Variants in UBE2U observed in about 807,000 individuals in gnomAD.
UBE2U encodes ubiquitin-conjugating enzyme E2 U.
A neutral mutation model predicts 41.2 loss-of-function variants in UBE2U; 39 were observed. The observed-to-expected ratio is 0.95, with a 90% confidence interval of 0.73 to 1.24. UBE2U has a LOEUF of 1.24. UBE2U is among the 50% of genes most tolerant of loss of function. The pLI, the probability that UBE2U is intolerant of heterozygous loss-of-function variation, is 0.00. For missense variants in UBE2U, 336 were observed against 363.1 expected (o/e 0.93, Z 0.61); for synonymous variants, 107 against 117.8 (o/e 0.91, Z 0.60).
At chr1:64,246,153 AAG>A (rs1644917192) in intron 8 of UBE2U, among the ~76,000 whole-genome samples, 1 of 152,166 alleles carries the variant, frequency 6.6e-6, no homozygotes. Flanking sequence ...TATGTAAAAA[AAG>A]AACATCTGTG....
chr1:64,254,997 A>G (rs1182033981), intron 8 of UBE2U, among the ~76,000 whole-genome samples: 1 of 152,148 alleles, frequency 6.6e-6, no homozygotes, highest in Non-Finnish European at 1.5e-5. Context: ...TGTTTTTGAA[A>G]AAAAATTAAT....
chr1:64,256,838 A>G (rs1433576734), intron 8 of UBE2U, among the ~76,000 whole-genome samples: 4 of 152,170 alleles, frequency 2.6e-5, no homozygotes, highest in Middle Eastern at 6.8e-3. Context: ...ACCTAAAGAA[A>G]GGGAGAAAAA....
chr1:64,213,409 T>A (rs1406394554), intron 4 of UBE2U, among the ~76,000 whole-genome samples: 1 of 152,196 alleles, frequency 6.6e-6, no homozygotes, highest in African/African-American at 2.4e-5. Context: ...TGAATCGTCC[T>A]CTAGGATACC....
At chr1:64,249,479 T>C (rs1025915053) in intron 8 of UBE2U, among the ~76,000 whole-genome samples, 3 of 149,366 alleles carry the variant, frequency 2.0e-5, no homozygotes, top group Non-Finnish European at 3.0e-5. Flanking sequence ...CCATAAGTGA[T>C]AGAGAGGATA....
chr1:64,241,849 C>T, intron 8 of UBE2U, 116 bp downstream of exon 8: 1 of 686,634 alleles, frequency 1.5e-6, no homozygotes, highest in South Asian at 2.2e-5. Context: ...CAACTTATAC[C>T]CTTTTCTCAG....
chr1:64,205,620 T>G lies in UBE2U; in HGVS notation c.67-19T>G. On this transcript the variant is annotated intron_variant, in intron 1 of 9. Transcript: ENST00000371077. ...ACTTAATAAGTTTTTTCTGATTTAA[T>G]TTTGTTTTTAACTTCAAGGGTATCA... 1 of 1,594,116 alleles carries G rather than the reference T, an allele frequency of 6.3e-7. No homozygotes were observed. The highest frequency in any genetic ancestry group is 1.3e-5 in the African/African-American group (1 of 74,080).
At chr1:64,243,381 C>T (rs1197670327) in intron 8 of UBE2U, among the ~76,000 whole-genome samples, 2 of 152,092 alleles carry the variant, frequency 1.3e-5, no homozygotes, top group East Asian at 3.9e-4. Context: ...CAAAATTCAA[C>T]TTCTCTTCAA....
chr1:64,233,243 G>A (rs533949018), intron 7 of UBE2U, among the ~76,000 whole-genome samples: 39 of 152,084 alleles, frequency 2.6e-4, no homozygotes, highest in Non-Finnish European at 4.9e-4. Flanking sequence ...TCCTGACCTC[G>A]TGATCCGCCT....
At chr1:64,239,086 G>GGAAGACGAGGAAGAAGAAGAAGAA (rs1491543105) in intron 7 of UBE2U, among the ~76,000 whole-genome samples, 16 of 44,166 alleles carry the variant, frequency 3.6e-4, no homozygotes, top group Admixed American at 9.5e-4. Context: ...AAGAGGAAGA[G>GGAAGACGAGGAAGAAGAAGAAGAA]GAAGAGGAAG....
At chr1:64,219,865 TG>T (rs1446207742) in intron 5 of UBE2U, among the ~76,000 whole-genome samples, 2 of 152,242 alleles carry the variant, frequency 1.3e-5, no homozygotes, top group Non-Finnish European at 2.9e-5. Flanking sequence ...CCCAAAGTGC[TG>T]GGATTACAGG....
At chr1:64,242,338 C>T (rs1644849162) in intron 8 of UBE2U, among the ~76,000 whole-genome samples, 1 of 152,070 alleles carries the variant, frequency 6.6e-6, no homozygotes, top group African/African-American at 2.4e-5. Context: ...ACAAAGATGC[C>T]ATTTCAGTTC....
Position 64,207,001 on chromosome 1 carries a change from A to T in UBE2U, c.241+145A>T, listed in dbSNP as rs1651338125. 4.7e-6 allele frequency: 3 copies of T among 634,536 alleles called. No homozygotes were observed. The East Asian group carries it at 8.8e-5, about 19-fold the overall frequency. The allele number at this position is 634,536 out of a possible 1,614,324, so 39.3% of individuals were successfully genotyped here. A position where few individuals can be genotyped will look rare whatever the true frequency, so the allele number is the denominator to read the frequency against. On this transcript the variant is annotated intron_variant, in intron 3 of 9. Coordinates refer to ENST00000371077, the MANE Select transcript of UBE2U (RefSeq NM_001366232.2). Reference sequence around the variant, plus strand: ...GGGGAAAATATGAAAAGGCTGGAAAAAATTAGCAATCACCTTAAATCCTAA... The same window carrying T: ...GGGGAAAATATGAAAAGGCTGGAAATAATTAGCAATCACCTTAAATCCTAA...
chr1:64,219,608 G>A (rs1489691455), intron 5 of UBE2U, among the ~76,000 whole-genome samples: 2 of 145,702 alleles, frequency 1.4e-5, no homozygotes, highest in African/African-American at 2.5e-5. Context: ...TTTTTTAGAC[G>A]GAGTCTCACT....
intron 8 of UBE2U, among the ~76,000 whole-genome samples, chr1:64,242,561 T>G (rs1036418903): frequency 6.6e-6 from 1 of 152,234 alleles, no homozygotes; most frequent in Non-Finnish European, 1.5e-5. Flanking sequence ...TGCTGTATTT[T>G]GAATTTCTGA....
chr1:64,264,745 G>A (rs1016337467), intron 9 of UBE2U, among the ~76,000 whole-genome samples: 4 of 152,070 alleles, frequency 2.6e-5, no homozygotes, highest in African/African-American at 9.7e-5. Flanking sequence ...CTGAGGTCAG[G>A]AGTTTGAGAC....
chr1:64,248,145 T>A (rs1644951409), intron 8 of UBE2U, among the ~76,000 whole-genome samples: 1 of 152,146 alleles, frequency 6.6e-6, no homozygotes, highest in African/African-American at 2.4e-5. Context: ...GGAGAACTCC[T>A]TCTTTGGTGT....
chr1:64,242,550 G>A (rs570748834), intron 8 of UBE2U, among the ~76,000 whole-genome samples: 3 of 152,114 alleles, frequency 2.0e-5, no homozygotes, highest in African/African-American at 2.4e-5. Context: ...TAAAGATAAC[G>A]TGCTGTATTT....
At chr1:64,239,157 A>AAGAAGAAGAAGAAGAAGAAGAAAG in intron 7 of UBE2U, among the ~76,000 whole-genome samples, 2 of 37,064 alleles carry the variant, frequency 5.4e-5, no homozygotes, top group East Asian at 1.0e-3. Context: ...GAAGAAGAAG[A>AAGAAGAAGAAGAAGAAGAAGAAAG]AAGAAGAAGA....
chr1:64,255,782 A>G (rs1475006458), intron 8 of UBE2U, among the ~76,000 whole-genome samples: 1 of 152,208 alleles, frequency 6.6e-6, no homozygotes. Flanking sequence ...AGGCAAGAGA[A>G]AGAAATAAAG....
Sources: gnomAD v4.1 joint callset for allele counts (sites outside exome capture counted in the v4.1 genomes callset) on GRCh38, gnomAD v4.1.1 for gene constraint, MANE v1.5 for transcripts, NCBI Gene and HGNC (gene_info 2026-07-23, HGNC 2026-07-21) for gene names.